Variants in DLG2 observed in about 807,000 individuals in gnomAD.
DLG2 encodes the protein disks large homolog 2.
In DLG2, 45 loss-of-function variants were observed where a neutral mutation model predicts 132.5. The ratio of observed to expected loss-of-function variants is 0.34; its 90% confidence interval spans 0.27 to 0.44. The LOEUF (loss-of-function observed/expected upper bound fraction) is 0.44. Among genes scored for constraint, DLG2 ranks in the 20% least tolerant of loss-of-function variants. The pLI is 1.00. For synonymous variants in DLG2, 424 were observed against 419.6 expected, an observed-to-expected ratio of 1.01 and a Z score of -0.13; for missense variants, 1,045 against 1,196.9, an observed-to-expected ratio of 0.87 and a Z score of 1.87.
intron 3 of DLG2, among the ~76,000 whole-genome samples, chr11:85,570,653 CTTCAAATACTTCAAATGTCT>C (rs2077794046): frequency 6.6e-6 from 1 of 152,020 alleles, no homozygotes; most frequent in Admixed American, 6.6e-5. Flanking sequence ...ATTATTATTT[CTTCAAATACTTCAAATGTCT>C]TTCAAATACT....
intron 3 of DLG2, among the ~76,000 whole-genome samples, chr11:85,457,353 T>G (rs1268817806): frequency 6.6e-6 from 1 of 152,218 alleles, no homozygotes; most frequent in Non-Finnish European, 1.5e-5. Context: ...ATGGGTCTCC[T>G]GAAGACAGCA....
At chr11:84,823,984 G>C (rs1243994987) in intron 6 of DLG2, among the ~76,000 whole-genome samples, 1 of 151,936 alleles carries the variant, frequency 6.6e-6, no homozygotes, top group Non-Finnish European at 1.5e-5. Context: ...AGAAGCACTT[G>C]AGTGAGTTAC....
At chr11:83,796,882 T>C (rs1329688928) in intron 17 of DLG2, among the ~76,000 whole-genome samples, 2 of 152,142 alleles carry the variant, frequency 1.3e-5, no homozygotes, top group Non-Finnish European at 2.9e-5. Flanking sequence ...AAACACATGA[T>C]TAAATGCTGG....
intron 18 of DLG2, among the ~76,000 whole-genome samples, chr11:83,718,394 C>G (rs76199046): frequency 0.084 from 12,728 of 151,766 alleles, 801 homozygotes; most frequent in Non-Finnish European, 0.13. Context: ...AAAAATTAGC[C>G]GGGCATGATG....
At chr11:85,489,451 CAAT>C (rs1414021229) in intron 3 of DLG2, among the ~76,000 whole-genome samples, 1 of 152,006 alleles carries the variant, frequency 6.6e-6, no homozygotes, top group Non-Finnish European at 1.5e-5. Flanking sequence ...GACAGTAAAA[CAAT>C]AATAGTGGGG....
intron 4 of DLG2, among the ~76,000 whole-genome samples, chr11:85,189,773 A>G (rs978839124): frequency 6.6e-6 from 1 of 152,232 alleles, no homozygotes; most frequent in Non-Finnish European, 1.5e-5. Flanking sequence ...AAACCCACAT[A>G]GTTGAACACT....
Position 84,126,571 on chromosome 11 carries a change from C to A in DLG2, c.625-27524G>T, listed in dbSNP as rs568907585. The stretch of plus-strand genomic sequence containing the variant: ...CTCAATAAGAAAAAATGTAAACATG[C>A]CAACTAAAAAACAGAGGTGTATATA... On this transcript the variant is annotated intron_variant, in intron 9 of 27. Coordinates refer to ENST00000376104, the MANE Select transcript of DLG2 (RefSeq NM_001142699.3). Among the ~76,000 whole-genome samples, 8 of 151,890 alleles carry A rather than the reference C, an allele frequency of 5.3e-5. No homozygotes were observed. In the South Asian group the frequency reaches 1.7e-3, roughly 32 times the overall value.
chr11:85,094,581 C>T (rs6592231), intron 6 of DLG2, among the ~76,000 whole-genome samples: 13,657 of 152,222 alleles, frequency 0.09, 733 homozygotes, highest in Middle Eastern at 0.22. Context: ...TTCCTTAAAC[C>T]TCATGAAGCA....
chr11:85,448,876 C>T (rs2092122310), intron 3 of DLG2, among the ~76,000 whole-genome samples: 1 of 152,088 alleles, frequency 6.6e-6, no homozygotes, highest in Non-Finnish European at 1.5e-5. Context: ...AAAGTAGTTC[C>T]CATTCTTCAT....
At chr11:84,824,113 C>G (rs1651119222) in intron 6 of DLG2, among the ~76,000 whole-genome samples, 1 of 151,838 alleles carries the variant, frequency 6.6e-6, no homozygotes, top group African/African-American at 2.4e-5. Flanking sequence ...TCCCTCTCAC[C>G]AATAGCAAAT....
chr11:83,601,441 T>C (rs748265651), intron 19 of DLG2, among the ~76,000 whole-genome samples: 50 of 152,002 alleles, frequency 3.3e-4, no homozygotes, highest in Non-Finnish European at 5.3e-4. Flanking sequence ...AACCACCTGT[T>C]AGCTTCTCAA....
intron 18 of DLG2, among the ~76,000 whole-genome samples, chr11:83,701,713 G>A (rs1336513697): frequency 6.6e-6 from 1 of 152,236 alleles, no homozygotes; most frequent in South Asian, 2.1e-4. Context: ...GGCTTGAAAT[G>A]TGTGTATATA....
chr11:84,240,207 C>A (rs1457268147), intron 8 of DLG2, among the ~76,000 whole-genome samples: 2 of 152,190 alleles, frequency 1.3e-5, no homozygotes, highest in Non-Finnish European at 2.9e-5. Context: ...GCAAGGGCAA[C>A]CCCCAAGGGT....
intron 9 of DLG2, among the ~76,000 whole-genome samples, chr11:84,130,519 CACACAT>C (rs1262196375): frequency 2.0e-4 from 24 of 118,468 alleles, no homozygotes; most frequent in African/African-American, 6.8e-4. Context: ...CACACACACA[CACACAT>C]ATATGTGTGT....
At chr11:85,593,551 A>C (rs2079518236) in intron 3 of DLG2, among the ~76,000 whole-genome samples, 1 of 152,150 alleles carries the variant, frequency 6.6e-6, no homozygotes, top group South Asian at 2.1e-4. Flanking sequence ...TTAATCTTTA[A>C]ATGGGTTAAC....
At chr11:83,504,244 T>G (rs548093773) in intron 21 of DLG2, among the ~76,000 whole-genome samples, 1 of 152,294 alleles carries the variant, frequency 6.6e-6, no homozygotes, top group East Asian at 1.9e-4. Flanking sequence ...CCCTTTGCCT[T>G]CAGCAAGCAC....
At chr11:84,320,164 C>G (rs892217707) in intron 7 of DLG2, among the ~76,000 whole-genome samples, 4 of 152,294 alleles carry the variant, frequency 2.6e-5, no homozygotes, top group Middle Eastern at 3.4e-3. Context: ...GCAGATGGTG[C>G]ACAGAGCAAT....
chr11:84,258,090 C>T (rs1295750278), intron 7 of DLG2, among the ~76,000 whole-genome samples: 1 of 152,134 alleles, frequency 6.6e-6, no homozygotes, highest in African/African-American at 2.4e-5. Flanking sequence ...TCCCCTCCTT[C>T]CTCTGGTGTA....
intron 16 of DLG2, among the ~76,000 whole-genome samples, chr11:83,844,537 G>C (rs1000519794): frequency 2.2e-5 from 2 of 89,408 alleles, no homozygotes; most frequent in African/African-American, 8.9e-5. Context: ...AACAGAGTGA[G>C]AGTCTGTATC....
Sources: allele counts gnomAD v4.1 joint callset (sites outside exome capture counted in the v4.1 genomes callset), GRCh38; gene constraint gnomAD v4.1.1; transcripts MANE v1.5; gene names NCBI Gene and HGNC (gene_info 2026-07-23, HGNC 2026-07-21).